The following HCN1 variants were observed in gnomAD, a reference collection of about 807,000 sequenced individuals.
HCN1 encodes potassium/sodium hyperpolarization-activated cyclic nucleotide-gated channel 1.
Under a neutral mutation model 78.9 loss-of-function variants are expected in HCN1, and 13 were observed. That is an observed-to-expected ratio of 0.16 (90% CI 0.11 to 0.26). The LOEUF (loss-of-function observed/expected upper bound fraction) is 0.26, where lower values mean the gene tolerates loss of function less well. Ranked by LOEUF, HCN1 falls within the 10% of genes least tolerant of loss-of-function variation. HCN1 has a pLI of 1.00. For missense variants in HCN1, 810 were observed against 1,154.3 expected (o/e 0.70, Z 4.32); for synonymous variants, 552 against 455.5 (o/e 1.21, Z -2.70).
At chr5:45,582,828 A>T (rs910440310) in intron 2 of HCN1, among the ~76,000 whole-genome samples, 1 of 152,032 alleles carries the variant, frequency 6.6e-6, no homozygotes, top group Non-Finnish European at 1.5e-5. Context: ...ACATTTATTG[A>T]TTTGTGTATG....
chr5:45,352,381 G>A (rs971306444), intron 5 of HCN1, among the ~76,000 whole-genome samples: 1 of 151,720 alleles, frequency 6.6e-6, no homozygotes, highest in Non-Finnish European at 1.5e-5. Flanking sequence ...GTTGTGCAGT[G>A]GGGGGAGGGG....
chr5:45,391,110 G>A (rs1016329431), intron 4 of HCN1, among the ~76,000 whole-genome samples: 2 of 152,038 alleles, frequency 1.3e-5, no homozygotes, highest in Non-Finnish European at 2.9e-5. Flanking sequence ...GGTACTATGT[G>A]GGAGTTGTAC....
chr5:45,414,985 A>G (rs1341210472), intron 3 of HCN1, among the ~76,000 whole-genome samples: 1 of 152,050 alleles, frequency 6.6e-6, no homozygotes, highest in East Asian at 1.9e-4. Flanking sequence ...TGTTAAAACC[A>G]AATTACACTT....
chr5:45,376,182 C>A (rs1178765377), intron 4 of HCN1, among the ~76,000 whole-genome samples: 3 of 7,320 alleles, frequency 4.1e-4, no homozygotes, highest in African/African-American at 6.3e-4. Flanking sequence ...TAATATATTA[C>A]ATATAATATA....
intron 2 of HCN1, among the ~76,000 whole-genome samples, chr5:45,588,587 C>T (rs986758321): frequency 1.5e-4 from 23 of 152,122 alleles, no homozygotes; most frequent in African/African-American, 5.3e-4. Flanking sequence ...CCCCACCAGG[C>T]ATTATGATAA....
intron 7 of HCN1, among the ~76,000 whole-genome samples, chr5:45,263,825 C>G (rs1435894964): frequency 6.6e-6 from 1 of 152,042 alleles, no homozygotes; most frequent in East Asian, 1.9e-4. Context: ...CGGAGTCTCG[C>G]TCTGATGCCC....
intron 4 of HCN1, among the ~76,000 whole-genome samples, chr5:45,354,827 C>T (rs1272297203): frequency 6.6e-6 from 1 of 151,954 alleles, no homozygotes; most frequent in Admixed American, 6.6e-5. Context: ...CCTTAACTGA[C>T]ACATTGAGAT....
At chr5:45,361,556 C>T (rs1002771606) in intron 4 of HCN1, among the ~76,000 whole-genome samples, 1 of 152,166 alleles carries the variant, frequency 6.6e-6, no homozygotes, top group South Asian at 2.1e-4. Flanking sequence ...AGGTGATCCA[C>T]CTGCCTTGGC....
At chr5:45,605,964 C>A (rs1397006548) in intron 2 of HCN1, among the ~76,000 whole-genome samples, 1 of 149,456 alleles carries the variant, frequency 6.7e-6, no homozygotes, top group Admixed American at 6.6e-5. Context: ...AATTAAAATT[C>A]AAAGGTAAGC....
chr5:45,398,733 GTTTAA>G (rs1236794991), intron 3 of HCN1, among the ~76,000 whole-genome samples: 4 of 152,106 alleles, frequency 2.6e-5, no homozygotes, highest in African/African-American at 9.7e-5. Context: ...TACAAAGAAA[GTTTAA>G]TTTAAAAATT....
intron 4 of HCN1, among the ~76,000 whole-genome samples, chr5:45,366,241 T>C (rs79709090): frequency 0.018 from 2,710 of 151,434 alleles, 104 homozygotes; most frequent in African/African-American, 0.063. Context: ...GTGGTAATTC[T>C]TCAATAAAAA....
At chr5:45,372,917 T>C (rs1747450324) in intron 4 of HCN1, among the ~76,000 whole-genome samples, 2 of 141,844 alleles carry the variant, frequency 1.4e-5, no homozygotes, top group South Asian at 2.2e-4. Context: ...TACATAAAAA[T>C]ATACACGTAT....
At chr5:45,674,856 G>T (rs1051031599) in intron 1 of HCN1, among the ~76,000 whole-genome samples, 2 of 151,676 alleles carry the variant, frequency 1.3e-5, no homozygotes, top group East Asian at 3.9e-4. Flanking sequence ...TAGGAGGATT[G>T]CTGGAAGGAA....
At chr5:45,423,671 T>C (rs1740274978) in intron 3 of HCN1, among the ~76,000 whole-genome samples, 1 of 152,200 alleles carries the variant, frequency 6.6e-6, no homozygotes, top group African/African-American at 2.4e-5. Context: ...AAAAAGCTTA[T>C]TTGTTAGCCA....
chr5:45,399,418 T>C (rs1390494493), intron 3 of HCN1, among the ~76,000 whole-genome samples: 1 of 152,216 alleles, frequency 6.6e-6, no homozygotes, highest in African/African-American at 2.4e-5. Context: ...AAAGATAAAA[T>C]TATTAAGAGT....
rs187217368 is a variant in HCN1 at position 45,679,800 on chromosome 5, C to T, written c.425+15869G>A. 3.2e-4 allele frequency among the ~76,000 whole-genome samples: 48 copies of T among 152,216 alleles called. 1 individual carries two copies. The East Asian group carries it at 7.2e-3, about 23-fold the overall frequency. ...TCACTAGCTTCTAAATATTGCCTTA[C>T]ATGGCTGTATTTCGTAAATGTCTAT... is the stretch of plus-strand genomic sequence containing the variant. On this transcript the variant is annotated intron_variant, in intron 1 of 7. Transcript: ENST00000303230.
At chr5:45,512,488 A>G (rs974305888) in intron 2 of HCN1, among the ~76,000 whole-genome samples, 1 of 152,258 alleles carries the variant, frequency 6.6e-6, no homozygotes, top group South Asian at 2.1e-4. Flanking sequence ...ATTAGTATGT[A>G]TAAAAAATAT....
chr5:45,328,470 C>T (rs1440202087), intron 5 of HCN1, among the ~76,000 whole-genome samples: 2 of 151,536 alleles, frequency 1.3e-5, no homozygotes, highest in African/African-American at 4.8e-5. Context: ...TATCCTGTAT[C>T]TAAATACAAG....
At chr5:45,333,103 C>G (rs1364529380) in intron 5 of HCN1, among the ~76,000 whole-genome samples, 1 of 151,764 alleles carries the variant, frequency 6.6e-6, no homozygotes, top group Non-Finnish European at 1.5e-5. Context: ...TACATTCCCA[C>G]CAACAGTGTA....
Sources: gnomAD v4.1 joint callset for allele counts (sites outside exome capture counted in the v4.1 genomes callset) on GRCh38, gnomAD v4.1.1 for gene constraint, MANE v1.5 for transcripts, NCBI Gene and HGNC (gene_info 2026-07-23, HGNC 2026-07-21) for gene names.